The following RNF180 variants were observed in gnomAD, a reference collection of about 807,000 sequenced individuals.
RNF180 encodes E3 ubiquitin-protein ligase RNF180.
In RNF180, 38 loss-of-function variants were observed where a neutral mutation model predicts 59.2. That is an observed-to-expected ratio of 0.64 (90% CI 0.50 to 0.84). The LOEUF (loss-of-function observed/expected upper bound fraction) is 0.84. Ranked by LOEUF, RNF180 falls within the 40% of genes least tolerant of loss-of-function variation. The pLI is 0.00. For missense variants in RNF180, 705 were observed against 700.9 expected (o/e 1.01, Z -0.07); for synonymous variants, 262 against 240.3 (o/e 1.09, Z -0.84).
chr5:64,362,773 A>G (rs1216332707), intron 7 of RNF180, among the ~76,000 whole-genome samples: 2 of 151,800 alleles, frequency 1.3e-5, no homozygotes, highest in African/African-American at 2.4e-5. Flanking sequence ...CTTTTCAATA[A>G]TAGCCATTCT....
At chr5:64,339,987 A>T (rs1008414163) in intron 7 of RNF180, among the ~76,000 whole-genome samples, 1 of 152,190 alleles carries the variant, frequency 6.6e-6, no homozygotes, top group Admixed American at 6.5e-5. Flanking sequence ...TACTAGTTGC[A>T]TGGATGACTC....
chr5:64,257,925 G>T (rs944723035), intron 5 of RNF180, among the ~76,000 whole-genome samples: 6 of 152,194 alleles, frequency 3.9e-5, no homozygotes, highest in African/African-American at 1.4e-4. Flanking sequence ...CGGAAACAAA[G>T]AAAAGGACAT....
chr5:64,224,915 C>T (rs1741585430), intron 5 of RNF180, among the ~76,000 whole-genome samples: 1 of 152,166 alleles, frequency 6.6e-6, no homozygotes, highest in Non-Finnish European at 1.5e-5. Flanking sequence ...CACCTTCTGC[C>T]ATGTGAGGAT....
intron 5 of RNF180, among the ~76,000 whole-genome samples, chr5:64,276,774 A>G (rs1741743111): frequency 6.6e-6 from 1 of 152,136 alleles, no homozygotes. Context: ...AAGGAAAAAA[A>G]TCAGAATTAT....
chr5:64,203,596 A>G (rs1751861963), intron 2 of RNF180, among the ~76,000 whole-genome samples: 1 of 152,136 alleles, frequency 6.6e-6, no homozygotes, highest in African/African-American at 2.4e-5. Flanking sequence ...TAAAGTAAAA[A>G]TATATTCATT....
chr5:64,184,849 G>A (rs1750795758), intron 1 of RNF180, among the ~76,000 whole-genome samples: 1 of 152,126 alleles, frequency 6.6e-6, no homozygotes, highest in Non-Finnish European at 1.5e-5. Context: ...TATATCCCCA[G>A]AAAATTTAGG....
At chr5:64,365,757 T>A (rs1234831422) in intron 7 of RNF180, among the ~76,000 whole-genome samples, 1 of 151,684 alleles carries the variant, frequency 6.6e-6, no homozygotes, top group Non-Finnish European at 1.5e-5. Context: ...TTTTTATCTT[T>A]GTTGGTTTAA....
At chr5:64,257,385 A>C (rs1009036190) in intron 5 of RNF180, among the ~76,000 whole-genome samples, 4 of 152,122 alleles carry the variant, frequency 2.6e-5, no homozygotes, top group Admixed American at 6.6e-5. Context: ...CCATCAATAC[A>C]TAATTTATTG....
chr5:64,212,185 AT>A, intron 3 of RNF180, 25 bp downstream of exon 3: 1 of 1,282,698 alleles, frequency 7.8e-7, no homozygotes, highest in Non-Finnish European at 1.1e-6. Context: ...TCTGAGTAAA[AT>A]TAAGAATATA....
rs1181136696 is a variant in RNF180 at position 64,369,834 on chromosome 5, A to C, written c.*20A>C. On this transcript the variant is annotated 3_prime_UTR_variant, in exon 8 of 8. Coordinates refer to ENST00000389100, the MANE Select transcript of RNF180 (RefSeq NM_001113561.2). ...TTTTAGGAATTTCATACCTTACTAC[A>C]ATTGACCAATCATAAATGATGTAAA... 8.5e-6 allele frequency: 11 copies of C among 1,294,736 alleles called. No individual in the cohort carries two copies. Among genetic ancestry groups the C allele is most frequent in the Non-Finnish European group, 1.1e-5 (11 of 973,902 alleles). 80.2% of individuals were successfully genotyped at this position (1,294,736 alleles called of 1,614,324 possible). A position where few individuals can be genotyped will look rare whatever the true frequency, so the allele number is the denominator to read the frequency against.
chr5:64,259,302 T>C (rs1196728199), intron 5 of RNF180, among the ~76,000 whole-genome samples: 1 of 151,734 alleles, frequency 6.6e-6, no homozygotes, highest in African/African-American at 2.4e-5. Flanking sequence ...TTGGAAAGGG[T>C]TTTGGGGGGA....
chr5:64,358,962 ACT>A (rs1353517501), intron 7 of RNF180, among the ~76,000 whole-genome samples: 1 of 151,206 alleles, frequency 6.6e-6, no homozygotes, highest in Non-Finnish European at 1.5e-5. Flanking sequence ...AAGGACATGA[ACT>A]CATCATTTTT....
intron 7 of RNF180, among the ~76,000 whole-genome samples, chr5:64,361,966 A>G (rs1746270653): frequency 6.6e-6 from 1 of 151,492 alleles, no homozygotes; most frequent in Non-Finnish European, 1.5e-5. Context: ...TGATCCTCAT[A>G]AGCTCAACCC....
chr5:64,309,052 C>T (rs1244034077), intron 5 of RNF180, among the ~76,000 whole-genome samples: 2 of 151,594 alleles, frequency 1.3e-5, no homozygotes, highest in Non-Finnish European at 3.0e-5. Flanking sequence ...TGCCAATCTC[C>T]ACGTAATCAA....
chr5:64,325,117 A>G (rs1580254639), intron 5 of RNF180, 69 bp from the exon 6 acceptor site: 1 of 978,004 alleles, frequency 1.0e-6, no homozygotes, highest in East Asian at 2.6e-5. Flanking sequence ...TTTTAACAAA[A>G]TATAAAGGCT....
intron 5 of RNF180, among the ~76,000 whole-genome samples, chr5:64,314,060 T>G (rs573130244): frequency 2.0e-4 from 31 of 152,288 alleles, no homozygotes; most frequent in African/African-American, 6.7e-4. Flanking sequence ...CTTTGCTGGA[T>G]GCATAGTTTG....
intron 7 of RNF180, among the ~76,000 whole-genome samples, chr5:64,349,880 T>A (rs560614758): frequency 1.3e-5 from 2 of 152,310 alleles, no homozygotes; most frequent in East Asian, 1.9e-4. Flanking sequence ...CTATTGTGAA[T>A]AGTGTTGCAA....
chr5:64,181,031 G>A (rs1750547318), intron 1 of RNF180, among the ~76,000 whole-genome samples: 2 of 152,172 alleles, frequency 1.3e-5, no homozygotes, highest in African/African-American at 2.4e-5. Context: ...AGGTCCAAGA[G>A]TCCAAAAGCT....
intron 1 of RNF180, among the ~76,000 whole-genome samples, chr5:64,191,188 C>T (rs1561177323): frequency 6.6e-6 from 1 of 152,050 alleles, no homozygotes; most frequent in South Asian, 2.1e-4. Flanking sequence ...ACAGAAAGTT[C>T]CCATTTATTT....
Sources: gnomAD v4.1 joint callset for allele counts (sites outside exome capture counted in the v4.1 genomes callset) on GRCh38, gnomAD v4.1.1 for gene constraint, MANE v1.5 for transcripts, NCBI Gene and HGNC (gene_info 2026-07-23, HGNC 2026-07-21) for gene names.